The following CACNA1B variants were observed in gnomAD, a reference collection of about 807,000 sequenced individuals.
CACNA1B encodes voltage-dependent N-type calcium channel subunit alpha-1B.
CACNA1B carries 70 observed loss-of-function variants against 247.2 expected under a neutral mutation model. That is an observed-to-expected ratio of 0.28 (90% CI 0.23 to 0.35). The LOEUF is 0.35. CACNA1B is among the 10% of genes least tolerant of loss of function. The pLI, the probability that CACNA1B is intolerant of heterozygous loss-of-function variation, is 1.00. For synonymous variants in CACNA1B, 1,231 were observed against 1,294.4 expected, an observed-to-expected ratio of 0.95 and a Z score of 1.05; for missense variants, 2,367 against 3,197.4, an observed-to-expected ratio of 0.74 and a Z score of 6.26.
intron 36 of CACNA1B, among the ~76,000 whole-genome samples, chr9:138,079,945 G>A (rs1029974560): frequency 5.3e-5 from 8 of 151,974 alleles, no homozygotes; most frequent in Middle Eastern, 3.4e-3. Context: ...TTGGCACATC[G>A]TTCCTCCGTC....
chr9:138,091,014 G>T (rs535644327), intron 36 of CACNA1B, among the ~76,000 whole-genome samples: 2 of 152,246 alleles, frequency 1.3e-5, no homozygotes, highest in Admixed American at 6.5e-5. Flanking sequence ...TACTGTGTGT[G>T]ATCTAGCAAT....
rs1957388899 is a variant in CACNA1B at position 137,914,371 on chromosome 9, A to AC, written c.623-278dup. 6.8e-6 allele frequency among the ~76,000 whole-genome samples: 1 copy of AC among 146,516 alleles called. No homozygotes were observed. Among genetic ancestry groups the AC allele is most frequent in the Admixed American group, 6.9e-5 (1 of 14,564 alleles). On this transcript the variant is annotated intron_variant, in intron 4 of 46. Transcript: ENST00000371372. The surrounding 1 kb of genome is among the most constrained non-coding windows in gnomAD (Gnocchi z 4.3). ...CCCACCCCAGACTTCATACCCTGAC[A>AC]CCCCCACATCCCACTCCTCTGCCTA...
chr9:137,921,754 C>G (rs1344518465), intron 6 of CACNA1B, among the ~76,000 whole-genome samples: 1 of 111,746 alleles, frequency 8.9e-6, no homozygotes, highest in East Asian at 3.1e-4. Flanking sequence ...TCGGAGAACA[C>G]GATCAGTACC....
At chr9:138,079,097 C>G (rs1419545427) in intron 36 of CACNA1B, among the ~76,000 whole-genome samples, 2 of 152,182 alleles carry the variant, frequency 1.3e-5, no homozygotes, top group Non-Finnish European at 2.9e-5. Context: ...GTGCAGTGAC[C>G]TGCGTCCAAA....
At chr9:138,039,025 G>GA (rs1255286068) in intron 20 of CACNA1B, among the ~76,000 whole-genome samples, 15 of 148,048 alleles carry the variant, frequency 1.0e-4, no homozygotes, top group East Asian at 7.9e-4. Flanking sequence ...TCTCTGCTGG[G>GA]AAAAAAAAAA....
At chr9:137,977,622 A>C (rs1281094470) in intron 12 of CACNA1B, among the ~76,000 whole-genome samples, 1 of 152,182 alleles carries the variant, frequency 6.6e-6, no homozygotes, top group African/African-American at 2.4e-5. Context: ...ACCTGAACCC[A>C]GAGCCTAGGG....
At chr9:137,895,821 T>C (rs1285815594) in intron 3 of CACNA1B, among the ~76,000 whole-genome samples, 1 of 152,234 alleles carries the variant, frequency 6.6e-6, no homozygotes, top group Admixed American at 6.5e-5. Context: ...GAATGCCTTT[T>C]CTTTTCTTAC....
rs1389260910 is a variant in CACNA1B, at chr9:137,954,509, G to C, written c.1071-1189G>C. ...TGTGGAGGGGGCCAGACTGCTGGGG[G>C]GAGTTGCTGCTGGGAGCTCTCAGAT... is the stretch of plus-strand genomic sequence containing the variant. On this transcript the variant is annotated intron_variant, in intron 7 of 46. Coordinates refer to ENST00000371372, the MANE Select transcript of CACNA1B (RefSeq NM_000718.4). This position sits in a 1 kb window ranked among gnomAD's most constrained non-coding sequence, Gnocchi z 4.1. Among the ~76,000 whole-genome samples, 1 of 152,196 alleles carries C rather than the reference G, an allele frequency of 6.6e-6. No individual in the cohort carries two copies. Among genetic ancestry groups the C allele is most frequent in the African/African-American group, 2.4e-5 (1 of 41,454 alleles).
Position 138,102,588 on chromosome 9 carries a change from G to GCT in CACNA1B, c.5223-120_5223-119dup, listed in dbSNP as rs1589129381. 1.1e-5 allele frequency: 6 copies of GCT among 537,904 alleles called. No homozygotes were observed. The highest frequency in any genetic ancestry group is 2.0e-5 in the Non-Finnish European group (6 of 302,522). 33.3% of individuals were successfully genotyped at this position (537,904 alleles called of 1,614,324 possible). A position where few individuals can be genotyped will look rare whatever the true frequency, so the allele number is the denominator to read the frequency against. ...TTGAATCCGACACTTTGATTAACTG[G>GCT]CTCTGTTTTCTTGTCTGCTTCCTCC... On this transcript the variant is annotated intron_variant, in intron 37 of 46. Transcript: ENST00000371372. This position sits in a 1 kb window ranked among gnomAD's most constrained non-coding sequence, Gnocchi z 5.4.
chr9:137,989,780 G>T (rs1393893226), intron 15 of CACNA1B, among the ~76,000 whole-genome samples: 8 of 152,122 alleles, frequency 5.3e-5, no homozygotes, highest in Non-Finnish European at 1.0e-4. Flanking sequence ...CAGATCATTT[G>T]AAAGCACGAC....
At chr9:137,977,885 G>A (rs1278855837) in intron 12 of CACNA1B, among the ~76,000 whole-genome samples, 1 of 151,046 alleles carries the variant, frequency 6.6e-6, no homozygotes, top group Non-Finnish European at 1.5e-5. Flanking sequence ...CCCCCAGGAA[G>A]GAGTAACAGG....
rs892714610 is a variant in CACNA1B, at chr9:137,880,817, T to C, written c.390+1658T>C. Among the ~76,000 whole-genome samples, 1 of 152,050 alleles carries C rather than the reference T, an allele frequency of 6.6e-6. No individual in the cohort carries two copies. The highest frequency in any genetic ancestry group is 1.5e-5 in the Non-Finnish European group (1 of 67,966). ...CACAGAGCAGGCCGAGGCTGGGTGG[T>C]GCAGGGGCAGCCCCTCAGTTGTCTC... On this transcript the variant is annotated intron_variant, in intron 2 of 46. Transcript: ENST00000371372. This position sits in a 1 kb window ranked among gnomAD's most constrained non-coding sequence, Gnocchi z 4.8.
rs558736145 is a variant in CACNA1B, at chr9:137,880,340, C to T, written c.390+1181C>T. ...CAGCCCAGCCACACCATGAGGCAGG[C>T]GTGAGTCATGGTCCCTGTGGGGGAC... On this transcript the variant is annotated intron_variant, in intron 2 of 46. Transcript: ENST00000371372. This position sits in a 1 kb window ranked among gnomAD's most constrained non-coding sequence, Gnocchi z 4.8. 6.6e-6 allele frequency among the ~76,000 whole-genome samples: 1 copy of T among 152,252 alleles called. No individual in the cohort carries two copies. Among genetic ancestry groups the T allele is most frequent in the African/African-American group, 2.4e-5 (1 of 41,550 alleles).
At position 137,952,748 on chromosome 9, in the gene CACNA1B, T is replaced by C. The variant is rs1369670989; in HGVS notation, c.1070+371T>C. The stretch of plus-strand genomic sequence containing the variant: ...GGGGGGATGGGAGGTGTGGTCTGTA[T>C]TGGGAGGTTGGTCTGGGTGGATGGG... On this transcript the variant is annotated intron_variant, in intron 7 of 46. Coordinates refer to ENST00000371372, the MANE Select transcript of CACNA1B (RefSeq NM_000718.4). This position sits in a 1 kb window ranked among gnomAD's most constrained non-coding sequence, Gnocchi z 4.8. Among the ~76,000 whole-genome samples, 2 of 89,692 alleles carry C rather than the reference T, an allele frequency of 2.2e-5. No homozygotes were observed. Among genetic ancestry groups the C allele is most frequent in the Non-Finnish European group, 4.0e-5 (2 of 50,466 alleles). The allele number at this position is 89,692 out of a possible 152,430, so 58.8% of individuals were successfully genotyped here.
intron 15 of CACNA1B, among the ~76,000 whole-genome samples, chr9:137,997,409 A>T (rs1276285385): frequency 2.0e-5 from 3 of 152,232 alleles, no homozygotes; most frequent in African/African-American, 7.2e-5. Flanking sequence ...TACACAGAAA[A>T]CTCAAGTCCT....
At chr9:138,068,965 C>T (rs991445687) in intron 31 of CACNA1B, among the ~76,000 whole-genome samples, 2 of 152,196 alleles carry the variant, frequency 1.3e-5, no homozygotes, top group Admixed American at 1.3e-4. Flanking sequence ...TGTTTGTGGT[C>T]GTGTCAGACC....
intron 16 of CACNA1B, among the ~76,000 whole-genome samples, chr9:138,008,313 G>A (rs929023691): frequency 1.3e-5 from 2 of 152,228 alleles, no homozygotes; most frequent in African/African-American, 4.8e-5. Context: ...TGACACTGAG[G>A]CCAGGCATGC....
chr9:138,115,283 G>A (rs1271075077), intron 41 of CACNA1B, among the ~76,000 whole-genome samples: 1 of 152,198 alleles, frequency 6.6e-6, no homozygotes, highest in Non-Finnish European at 1.5e-5. Flanking sequence ...GGTTTTGAGA[G>A]GTGACATGGC....
rs1282440723 is a variant in CACNA1B, at chr9:137,957,973, C to G, written c.1333+286C>G. ...GCCTCTGAGGCTGTTGTGTCATCCC[C>G]TACCTCTCAAATAGTACAAGGAACA... is the stretch of plus-strand genomic sequence containing the variant. On this transcript the variant is annotated intron_variant, in intron 10 of 46. Transcript: ENST00000371372. The surrounding 1 kb of genome is among the most constrained non-coding windows in gnomAD (Gnocchi z 4.7). Among the ~76,000 whole-genome samples, 1 of 152,198 alleles carries G rather than the reference C, an allele frequency of 6.6e-6. No homozygotes were observed. The highest frequency in any genetic ancestry group is 1.5e-5 in the Non-Finnish European group (1 of 68,028).
Sources: allele counts gnomAD v4.1 joint callset (sites outside exome capture counted in the v4.1 genomes callset), GRCh38; gene constraint gnomAD v4.1.1; non-coding constraint Gnocchi (gnomAD v3.1); transcripts MANE v1.5; gene names NCBI Gene and HGNC (gene_info 2026-07-23, HGNC 2026-07-21).